Variants in PRPS2 observed in about 807,000 individuals in gnomAD.
PRPS2 encodes the protein ribose-phosphate pyrophosphokinase 2.
For missense variants in PRPS2, 104 were observed against 271.5 expected, an observed-to-expected ratio of 0.38 and a Z score of 4.34; for synonymous variants, 111 against 115.3, an observed-to-expected ratio of 0.96 and a Z score of 0.24.
intron 5 of PRPS2, 51 bp from the exon 6 acceptor site, chrX:12,820,593 A>G (rs1310474530): frequency 3.0e-5 from 35 of 1,150,987 alleles, no homozygotes; most frequent in Non-Finnish European, 3.3e-5. Flanking sequence ...AGGGGAGAGT[A>G]TTCCAAGAAT....
chrX:12,817,276 G>C (rs934225204), intron 4 of PRPS2, among the ~76,000 whole-genome samples: 8 of 110,732 alleles, frequency 7.2e-5, no homozygotes, highest in African/African-American at 2.3e-4. Flanking sequence ...TTTTTATGCA[G>C]AATTTTGTCA....
intron 4 of PRPS2, 139 bp downstream of exon 4, chrX:12,810,285 T>G: frequency 1.3e-6 from 1 of 789,518 alleles, no homozygotes; most frequent in Non-Finnish European, 1.8e-6. Context: ...ACCGCAGGCT[T>G]CACTTCCAGA....
chrX:12,815,404 A>C (rs771486637), intron 4 of PRPS2, among the ~76,000 whole-genome samples: 1 of 111,176 alleles, frequency 9.0e-6, no homozygotes, highest in African/African-American at 3.3e-5. Flanking sequence ...TCCGGTATAG[A>C]ACTTCCACCA....
At chrX:12,805,965 CAG>C (rs1462183278) in intron 2 of PRPS2, among the ~76,000 whole-genome samples, 2 of 111,083 alleles carry the variant, frequency 1.8e-5, no homozygotes, top group Admixed American at 9.5e-5. Flanking sequence ...CCCAGCTACT[CAG>C]GGGGCTGGGG....
At chrX:12,793,789 C>G (rs1195485644) in intron 1 of PRPS2, among the ~76,000 whole-genome samples, 1 of 112,273 alleles carries the variant, frequency 8.9e-6, no homozygotes, top group Non-Finnish European at 1.9e-5. Context: ...TTTGCTGTCT[C>G]CTGGCCATCA....
chrX:12,820,803 GGTACT>G lies in PRPS2; in HGVS notation c.864+3_864+7del. 8.3e-7 allele frequency: 1 copy of G among 1,210,573 alleles called. No homozygotes were observed. Among genetic ancestry groups the G allele is most frequent in the Non-Finnish European group, 1.1e-6 (1 of 895,100 alleles). ...AAATGAAACACTGCACCAAGATTCA[GGTACT>G]GTCTATACACCAAAGGCAGCCAAGC... On this transcript the variant is annotated splice_donor_variant and splice_donor_5th_base_variant and intron_variant, in intron 6 of 6. Coordinates refer to ENST00000380668, the MANE Select transcript of PRPS2 (RefSeq NM_002765.5). LOFTEE classifies it high-confidence loss of function.
Position 12,809,246 on chromosome X carries a change from A to G in PRPS2, c.319A>G (p.Ile107Val). The G allele has an allele frequency of 4.1e-6, 5 of 1,208,469 alleles. No homozygotes were observed. Among genetic ancestry groups the G allele is most frequent in the Non-Finnish European group, 5.6e-6 (5 of 894,400 alleles). Residue 107 changes from isoleucine (I) to valine (V), a missense_variant, in exon 3 of 7, where the codon ATT (isoleucine) becomes GTT (valine). Ile to Val is a conservative substitution (Grantham distance 29). Coordinates refer to ENST00000380668, the MANE Select transcript of PRPS2 (RefSeq NM_002765.5). The part of the protein sequence containing the change: ...QDKKDKSRAP[I>V]SAKLVANMLS... ...TTCTTACTTGTAGAGTCGTGCCCCA[A>G]TTTCTGCAAAACTTGTGGCCAATAT...
intron 5 of PRPS2, among the ~76,000 whole-genome samples, 183 bp downstream of exon 5, chrX:12,819,863 G>A (rs1164677914): frequency 1.8e-5 from 2 of 112,675 alleles, no homozygotes; most frequent in African/African-American, 6.5e-5. Context: ...GAAAGCACGG[G>A]CCTTTTCGTT....
At chrX:12,792,521 C>G (rs1384869445) in intron 1 of PRPS2, among the ~76,000 whole-genome samples, 1 of 111,916 alleles carries the variant, frequency 8.9e-6, no homozygotes, top group Non-Finnish European at 1.9e-5. Context: ...GCTCCTTTGT[C>G]TATCTGCCTG....
At position 12,810,063 on chromosome X, in the gene PRPS2, C is replaced by T. The variant is rs200860635; in HGVS notation, c.447C>T (p.Pro149=). 8.3e-6 allele frequency: 10 copies of T among 1,209,248 alleles called. No individual in the cohort carries two copies. Among genetic ancestry groups the T allele is most frequent in the East Asian group, 3.0e-5 (1 of 33,753 alleles). The change falls in exon 4 of 7, where the codon CCC becomes CCT. Residue 149 remains proline (P), a synonymous_variant. Coordinates refer to ENST00000380668, the MANE Select transcript of PRPS2 (RefSeq NM_002765.5). The part of the protein sequence containing the change: ...DIPVDNLYAE[P]AVLQWIRENI... ...CTGTGGATAATTTGTATGCGGAGCC[C>T]GCAGTCCTGCAGTGGATTCGGGAAA...
intron 6 of PRPS2, 26 bp from the exon 7 acceptor site, chrX:12,822,678 C>T (rs751105999): frequency 2.6e-6 from 3 of 1,170,634 alleles, no homozygotes; most frequent in Admixed American, 4.4e-5. Context: ...TTCCCTTCTC[C>T]CTTTGTTTTT....
At chrX:12,795,242 G>A (rs1362446410) in intron 1 of PRPS2, among the ~76,000 whole-genome samples, 1 of 111,621 alleles carries the variant, frequency 9.0e-6, no homozygotes, top group Non-Finnish European at 1.9e-5. Context: ...AATGCTATCT[G>A]CAAATTTACT....
chrX:12,822,680 T>G, intron 6 of PRPS2, 24 bp from the exon 7 acceptor site: 1 of 1,183,467 alleles, frequency 8.4e-7, no homozygotes, highest in Non-Finnish European at 1.2e-6. Context: ...CCCTTCTCCC[T>G]TTGTTTTTCT....
chrX:12,812,468 A>C (rs2042628812), intron 4 of PRPS2, among the ~76,000 whole-genome samples: 1 of 111,151 alleles, frequency 9.0e-6, no homozygotes, highest in African/African-American at 3.3e-5. Flanking sequence ...CTCTGCTGAA[A>C]ATACAAAAAT....
intron 1 of PRPS2, among the ~76,000 whole-genome samples, chrX:12,797,949 A>G (rs2042552258): frequency 8.9e-6 from 1 of 112,803 alleles, no homozygotes. Flanking sequence ...AAGAGGATAC[A>G]GAAAATGGCA....
chrX:12,797,022 G>C (rs1407565442), intron 1 of PRPS2, among the ~76,000 whole-genome samples: 1 of 109,727 alleles, frequency 9.1e-6, no homozygotes, highest in South Asian at 4.0e-4. Flanking sequence ...TTCGGATTAG[G>C]GTTCCTATCA....
chrX:12,810,209 G>A (rs897549723), intron 4 of PRPS2, 63 bp downstream of exon 4: 28 of 1,174,694 alleles, frequency 2.4e-5, no homozygotes, highest in Middle Eastern at 4.7e-4. Context: ...CTTTTCCGAT[G>A]TATTAGATAA....
Position 12,796,660 on chromosome X carries a change from G to A in PRPS2, c.123-2547G>A, listed in dbSNP as rs187956111. Reference sequence around the variant, plus strand: ...AATTTACAGACAATTCTGCCATAATGTGACATATGTATTCCTAAAAATTAC... The same window carrying A: ...AATTTACAGACAATTCTGCCATAATATGACATATGTATTCCTAAAAATTAC... On this transcript the variant is annotated intron_variant, in intron 1 of 6. Coordinates refer to ENST00000380668, the MANE Select transcript of PRPS2 (RefSeq NM_002765.5). Among the ~76,000 whole-genome samples, 77 of 111,104 alleles carry A rather than the reference G, an allele frequency of 6.9e-4. 2 individuals carry two copies. The highest frequency in any genetic ancestry group is 2.5e-3 in the African/African-American group (77 of 30,577).
At chrX:12,819,751 T>A in intron 5 of PRPS2, 71 bp downstream of exon 5, 1 of 1,115,576 alleles carries the variant, frequency 9.0e-7, no homozygotes, top group East Asian at 3.1e-5. Flanking sequence ...TTTTAGAAAT[T>A]GGGCTCTTTT....
Sources: allele counts gnomAD v4.1 joint callset (sites outside exome capture counted in the v4.1 genomes callset), GRCh38; gene constraint gnomAD v4.1.1; transcripts MANE v1.5; gene names NCBI Gene and HGNC (gene_info 2026-07-23, HGNC 2026-07-21).